HOMER1: variants seen among roughly 807,000 people sequenced by gnomAD.
HOMER1 encodes the protein homer scaffold protein 1.
HOMER1 carries 3 observed loss-of-function variants against 48.9 expected under a neutral mutation model. The observed-to-expected ratio is 0.06, with a 90% CI of 0.03 to 0.16. The LOEUF (loss-of-function observed/expected upper bound fraction) is 0.16, where lower values mean the gene tolerates loss of function less well. Among genes scored for constraint, HOMER1 ranks in the 10% least tolerant of loss-of-function variants. The pLI is 1.00. For missense variants in HOMER1, 247 were observed against 411.4 expected (o/e 0.60, Z 3.46); for synonymous variants, 134 against 146.4 (o/e 0.92, Z 0.61).
intron 3 of HOMER1, among the ~76,000 whole-genome samples, chr5:79,449,839 C>A (rs1034016581): frequency 6.6e-6 from 1 of 152,020 alleles, no homozygotes; most frequent in South Asian, 2.1e-4. Flanking sequence ...AGTTAAAATA[C>A]CCTTAAAATT....
At chr5:79,493,669 C>T (rs1752348652) in intron 1 of HOMER1, among the ~76,000 whole-genome samples, 1 of 152,162 alleles carries the variant, frequency 6.6e-6, no homozygotes, top group African/African-American at 2.4e-5. Flanking sequence ...TTAACTCCTC[C>T]ATCTGTGCTC....
chr5:79,484,884 A>T (rs1486504280), intron 1 of HOMER1, among the ~76,000 whole-genome samples: 1 of 152,174 alleles, frequency 6.6e-6, no homozygotes, highest in African/African-American at 2.4e-5. Context: ...CTTCTACCCC[A>T]CATTACTACA....
intron 5 of HOMER1, among the ~76,000 whole-genome samples, chr5:79,436,697 T>A (rs1750592967): frequency 6.6e-6 from 1 of 152,220 alleles, no homozygotes; most frequent in African/African-American, 2.4e-5. Flanking sequence ...TACCACAGTT[T>A]GGAAAATCAT....
Position 79,465,584 on chromosome 5 carries a change from C to CTTTTTTTTTTTTTTTTTTTTTTTTTT in HOMER1, c.6-8592_6-8567dup, listed in dbSNP as rs10666507. On this transcript the variant is annotated intron_variant, in intron 1 of 8. Coordinates refer to ENST00000334082, the MANE Select transcript of HOMER1 (RefSeq NM_004272.5). ...AGTAACAGTACTGTTTACATTTCTT[C>CTTTTTTTTTTTTTTTTTTTTTTTTTT]TTTTTTTTTTTTTTTTTTTTTTTTT... 7.7e-5 allele frequency among the ~76,000 whole-genome samples: 6 copies of CTTTTTTTTTTTTTTTTTTTTTTTTTT among 77,894 alleles called. 1 individual carries two copies. The highest frequency in any genetic ancestry group is 1.8e-4 in the African/African-American group (3 of 16,486). The allele number at this position is 77,894 out of a possible 152,430, so 51.1% of individuals were successfully genotyped here.
intron 5 of HOMER1, among the ~76,000 whole-genome samples, chr5:79,411,408 C>A (rs1749811163): frequency 6.6e-6 from 1 of 152,048 alleles, no homozygotes; most frequent in South Asian, 2.1e-4. Context: ...TTGCTTGAAC[C>A]CAAGAGGTCA....
At chr5:79,391,669 G>A (rs1355311684) in intron 8 of HOMER1, among the ~76,000 whole-genome samples, 5 of 151,714 alleles carry the variant, frequency 3.3e-5, no homozygotes, top group African/African-American at 9.7e-5. Flanking sequence ...CTTGAACCTG[G>A]GAGGCGGAGG....
chr5:79,490,215 T>C (rs1343331923), intron 1 of HOMER1, among the ~76,000 whole-genome samples: 2 of 152,230 alleles, frequency 1.3e-5, no homozygotes, highest in East Asian at 3.8e-4. Flanking sequence ...GCCCTCATGA[T>C]ACTTAGTCTA....
In HOMER1 at chr5:79,397,890, A is replaced by G. The variant is rs1461661721; in HGVS notation, c.685-253T>C. The stretch of plus-strand genomic sequence containing the variant: ...TAACTTAAATTAAGTGATTAATGAC[A>G]GTAGAGAATCCCTATAATGAAAGTC... On this transcript the variant is annotated intron_variant, in intron 6 of 8. Coordinates refer to ENST00000334082, the MANE Select transcript of HOMER1 (RefSeq NM_004272.5). The G allele has an allele frequency of 3.5e-5, 9 of 255,576 alleles. No individual in the cohort carries two copies. The East Asian group carries it at 7.0e-4, about 20-fold the overall frequency. 15.8% of individuals were successfully genotyped at this position (255,576 alleles called of 1,614,324 possible).
At chr5:79,413,284 A>G (rs925337832) in intron 5 of HOMER1, among the ~76,000 whole-genome samples, 4 of 152,188 alleles carry the variant, frequency 2.6e-5, no homozygotes, top group African/African-American at 7.2e-5. Flanking sequence ...AAAGACAGAA[A>G]CACAAATTCA....
At chr5:79,436,116 G>C (rs993778859) in intron 5 of HOMER1, among the ~76,000 whole-genome samples, 25 of 149,664 alleles carry the variant, frequency 1.7e-4, no homozygotes, top group East Asian at 4.0e-4. Flanking sequence ...CTGGGCGACA[G>C]AGCGAGACTC....
At chr5:79,423,402 C>T (rs1390814976) in intron 5 of HOMER1, among the ~76,000 whole-genome samples, 4 of 152,116 alleles carry the variant, frequency 2.6e-5, no homozygotes, top group Non-Finnish European at 4.4e-5. Flanking sequence ...TGAAGCTATG[C>T]GGTCTCTTGT....
At chr5:79,466,891 A>G (rs545481486) in intron 1 of HOMER1, among the ~76,000 whole-genome samples, 10 of 152,136 alleles carry the variant, frequency 6.6e-5, no homozygotes, top group African/African-American at 2.4e-4. Context: ...CCCTGGATTC[A>G]AGCAATTCTC....
intron 5 of HOMER1, among the ~76,000 whole-genome samples, chr5:79,424,890 T>C (rs1391090738): frequency 6.6e-6 from 1 of 152,058 alleles, no homozygotes; most frequent in Non-Finnish European, 1.5e-5. Context: ...GCAAGTATAA[T>C]GGCATTTTGC....
At chr5:79,391,590 C>T (rs1749253363) in intron 8 of HOMER1, among the ~76,000 whole-genome samples, 1 of 151,384 alleles carries the variant, frequency 6.6e-6, no homozygotes, top group African/African-American at 2.4e-5. Context: ...TAAAAAAATG[C>T]AAAAAATTAG....
At chr5:79,380,410 C>G (rs911741077) in intron 8 of HOMER1, among the ~76,000 whole-genome samples, 1 of 152,214 alleles carries the variant, frequency 6.6e-6, no homozygotes, top group Non-Finnish European at 1.5e-5. Context: ...GAAACATGGG[C>G]TGTTACACCC....
At chr5:79,494,882 A>G (rs543768488) in intron 1 of HOMER1, among the ~76,000 whole-genome samples, 15 of 152,210 alleles carry the variant, frequency 9.9e-5, no homozygotes, top group Non-Finnish European at 2.1e-4. Context: ...TCCAAGTCCA[A>G]AACTTCCTCC....
At chr5:79,497,883 C>T (rs1429846728) in intron 1 of HOMER1, among the ~76,000 whole-genome samples, 1 of 152,138 alleles carries the variant, frequency 6.6e-6, no homozygotes, top group Admixed American at 6.5e-5. Flanking sequence ...GCAGCATCAG[C>T]ATGCCCTGGG....
At chr5:79,469,890 C>T (rs190296602) in intron 1 of HOMER1, among the ~76,000 whole-genome samples, 1 of 151,988 alleles carries the variant, frequency 6.6e-6, no homozygotes, top group Non-Finnish European at 1.5e-5. Context: ...AAATATAATC[C>T]CTGTAGTGAT....
At chr5:79,483,796 G>A (rs996032009) in intron 1 of HOMER1, among the ~76,000 whole-genome samples, 21 of 150,236 alleles carry the variant, frequency 1.4e-4, no homozygotes, top group Admixed American at 1.2e-3. Flanking sequence ...GGCTCACGCC[G>A]GTAATCCCAG....
Sources: allele counts gnomAD v4.1 joint callset (sites outside exome capture counted in the v4.1 genomes callset), GRCh38; gene constraint gnomAD v4.1.1; transcripts MANE v1.5; gene names NCBI Gene and HGNC (gene_info 2026-07-23, HGNC 2026-07-21).